The following ITGA9 variants were observed in gnomAD, a reference collection of about 807,000 sequenced individuals.
The protein encoded by ITGA9 is integrin alpha-9.
In ITGA9, 56 loss-of-function variants were observed where a neutral mutation model predicts 127.8. The ratio of observed to expected loss-of-function variants is 0.44; its 90% confidence interval spans 0.35 to 0.55. The LOEUF (loss-of-function observed/expected upper bound fraction) is 0.55, where lower values mean the gene tolerates loss of function less well. Ranked by LOEUF, ITGA9 falls within the 20% of genes least tolerant of loss-of-function variation. The probability of loss-of-function intolerance (pLI) is 0.00; values close to 1 mark genes in which losing one functional copy is unlikely to be tolerated. For missense variants in ITGA9, 1,196 were observed against 1,347.1 expected, an observed-to-expected ratio of 0.89 and a Z score of 1.76; for synonymous variants, 508 against 514.5, an observed-to-expected ratio of 0.99 and a Z score of 0.17.
intron 7 of ITGA9, among the ~76,000 whole-genome samples, chr3:37,506,600 G>C (rs1327563456): frequency 1.3e-5 from 2 of 152,162 alleles, no homozygotes; most frequent in African/African-American, 4.8e-5. Context: ...TGTGGGTCTG[G>C]CTTTCCCTAA....
At chr3:37,671,240 C>T (rs1458837833) in intron 17 of ITGA9, among the ~76,000 whole-genome samples, 2 of 152,208 alleles carry the variant, frequency 1.3e-5, no homozygotes, top group Non-Finnish European at 2.9e-5. Context: ...GAAACTACTC[C>T]TAAAGTCAAG....
At chr3:37,526,730 G>T (rs1699097200) in intron 13 of ITGA9, among the ~76,000 whole-genome samples, 1 of 152,262 alleles carries the variant, frequency 6.6e-6, no homozygotes, top group Non-Finnish European at 1.5e-5. Context: ...ACTTTGGAGT[G>T]GGAGCCAATT....
At position 37,512,116 on chromosome 3, in the gene ITGA9, C is replaced by CT. The variant is rs1553643203; in HGVS notation, c.898-1647_898-1646insT. Among the ~76,000 whole-genome samples the CT allele has an allele frequency of 2.0e-4, 13 of 66,326 alleles. 1 individual carries two copies. In the East Asian group the frequency reaches 2.1e-3, roughly 11 times the overall value. 43.5% of individuals were successfully genotyped at this position (66,326 alleles called of 152,430 possible). ...TCCTTCCTTCCTTCCTTCCTTCCTTCCTTCTTTCTTTTCTTTTCTTTTCTT... is the reference window on the plus strand; with the variant it reads ...TCCTTCCTTCCTTCCTTCCTTCCTTCTCTTCTTTCTTTTCTTTTCTTTTCTT... On this transcript the variant is annotated intron_variant, in intron 8 of 27. Transcript: ENST00000264741.
At chr3:37,773,840 C>T (rs1446897536) in intron 23 of ITGA9, among the ~76,000 whole-genome samples, 1 of 152,152 alleles carries the variant, frequency 6.6e-6, no homozygotes, top group Admixed American at 6.5e-5. Context: ...AAGAAATAAT[C>T]AACTATCTGT....
At chr3:37,747,932 G>A (rs1027273009) in intron 22 of ITGA9, among the ~76,000 whole-genome samples, 5 of 151,798 alleles carry the variant, frequency 3.3e-5, no homozygotes, top group Admixed American at 6.6e-5. Flanking sequence ...TTTAGATACG[G>A]GGTTTCACCA....
At chr3:37,754,935 A>T (rs1295866717) in intron 23 of ITGA9, among the ~76,000 whole-genome samples, 1 of 152,200 alleles carries the variant, frequency 6.6e-6, no homozygotes, top group African/African-American at 2.4e-5. Flanking sequence ...GCTTAAAATT[A>T]GACATAAATG....
chr3:37,487,429 A>G (rs146090286), intron 4 of ITGA9, among the ~76,000 whole-genome samples: 57 of 152,256 alleles, frequency 3.7e-4, no homozygotes, highest in African/African-American at 1.3e-3. Flanking sequence ...AAGAATTTTA[A>G]TCTTGGGCAA....
intron 15 of ITGA9, among the ~76,000 whole-genome samples, chr3:37,600,897 C>T (rs975476503): frequency 1.3e-5 from 2 of 152,254 alleles, no homozygotes; most frequent in African/African-American, 4.8e-5. Flanking sequence ...GCTACATAGC[C>T]TGCTCCATCC....
At chr3:37,613,996 T>C (rs903263261) in intron 15 of ITGA9, among the ~76,000 whole-genome samples, 2 of 152,330 alleles carry the variant, frequency 1.3e-5, no homozygotes, top group East Asian at 3.9e-4. Context: ...ATTTTGGCTG[T>C]TGTTGCCATT....
intron 17 of ITGA9, among the ~76,000 whole-genome samples, chr3:37,679,769 G>A (rs1700717672): frequency 6.6e-6 from 1 of 152,126 alleles, no homozygotes; most frequent in Admixed American, 6.5e-5. Flanking sequence ...TGATATTCAA[G>A]GAATTTTATT....
At chr3:37,591,922 A>T (rs992159911) in intron 15 of ITGA9, among the ~76,000 whole-genome samples, 7 of 152,184 alleles carry the variant, frequency 4.6e-5, no homozygotes, top group Admixed American at 3.3e-4. Context: ...CTAGGTTATG[A>T]GGGCCTGGAC....
chr3:37,746,624 A>T (rs1696504049), intron 22 of ITGA9, among the ~76,000 whole-genome samples: 1 of 152,206 alleles, frequency 6.6e-6, no homozygotes, highest in Non-Finnish European at 1.5e-5. Context: ...CATGCTTGAA[A>T]TGGGATTTCC....
intron 3 of ITGA9, among the ~76,000 whole-genome samples, chr3:37,476,688 G>A (rs140376691): frequency 1.3e-5 from 2 of 152,102 alleles, no homozygotes; most frequent in Non-Finnish European, 2.9e-5. Flanking sequence ...TGCCTCCTTC[G>A]TGAAGCCTGT....
At chr3:37,692,337 CA>C (rs1700839938) in intron 18 of ITGA9, among the ~76,000 whole-genome samples, 1 of 151,804 alleles carries the variant, frequency 6.6e-6, no homozygotes, top group Non-Finnish European at 1.5e-5. Flanking sequence ...GAATGTATGT[CA>C]GGGGGTGATA....
chr3:37,648,730 A>G (rs895756507), intron 16 of ITGA9, among the ~76,000 whole-genome samples: 1 of 152,216 alleles, frequency 6.6e-6, no homozygotes, highest in Non-Finnish European at 1.5e-5. Context: ...TAAATAGCAC[A>G]AGAGAGCATA....
chr3:37,481,082 T>G (rs1698547148), intron 3 of ITGA9, among the ~76,000 whole-genome samples: 1 of 152,172 alleles, frequency 6.6e-6, no homozygotes, highest in South Asian at 2.1e-4. Context: ...CCTCTGAGCC[T>G]TTCTCACGAT....
chr3:37,512,520 T>C (rs1698943513), intron 8 of ITGA9, among the ~76,000 whole-genome samples: 1 of 152,014 alleles, frequency 6.6e-6, no homozygotes, highest in African/African-American at 2.4e-5. Flanking sequence ...CCTTCTTCTT[T>C]TATTTTTTTT....
chr3:37,554,542 G>A (rs1423657929), intron 15 of ITGA9, among the ~76,000 whole-genome samples: 4 of 152,054 alleles, frequency 2.6e-5, no homozygotes, highest in Admixed American at 6.6e-5. Context: ...CCCTGCTGGC[G>A]GCTATGTTGG....
At chr3:37,654,738 G>A (rs569429734) in intron 17 of ITGA9, among the ~76,000 whole-genome samples, 2 of 152,090 alleles carry the variant, frequency 1.3e-5, no homozygotes, top group African/African-American at 2.4e-5. Context: ...TACATGTGCT[G>A]AACGTGCAGG....
Sources: allele counts gnomAD v4.1 joint callset (sites outside exome capture counted in the v4.1 genomes callset), GRCh38; gene constraint gnomAD v4.1.1; transcripts MANE v1.5; gene names NCBI Gene and HGNC (gene_info 2026-07-23, HGNC 2026-07-21).